Variants in ANKRD44 observed in about 807,000 individuals in gnomAD.
ANKRD44 encodes serine/threonine-protein phosphatase 6 regulatory ankyrin repeat subunit B.
ANKRD44 carries 35 observed loss-of-function variants against 116.0 expected under a neutral mutation model. That is an observed-to-expected ratio of 0.30 (90% CI 0.23 to 0.40). The LOEUF (loss-of-function observed/expected upper bound fraction) is 0.40, where lower values mean the gene tolerates loss of function less well. ANKRD44 is among the 10% of genes least tolerant of loss of function. The pLI is 1.00. For missense variants in ANKRD44, 1,014 were observed against 1,242.6 expected (o/e 0.82, Z 2.77); for synonymous variants, 435 against 461.8 (o/e 0.94, Z 0.74).
chr2:197,091,504 A>C (rs2078042776), intron 10 of ANKRD44, among the ~76,000 whole-genome samples: 1 of 152,140 alleles, frequency 6.6e-6, no homozygotes, highest in African/African-American at 2.4e-5. Context: ...CCACAGGCGC[A>C]CATCACTATA....
Position 196,989,257 on chromosome 2 carries a change from T to C in ANKRD44, c.*334A>G, listed in dbSNP as rs1426998904. 2 of 984,938 alleles carry C rather than the reference T, an allele frequency of 2.0e-6. No homozygotes were observed. The highest frequency in any genetic ancestry group is 6.2e-5 in the Admixed American group (1 of 16,110). The allele number at this position is 984,938 out of a possible 1,614,324, so 61.0% of individuals were successfully genotyped here. On this transcript the variant is annotated 3_prime_UTR_variant, in exon 28 of 28. Transcript: ENST00000282272. ...TAAACACATTTACAGCAAAAGTATA[T>C]GGACATTTTCTCTAGTTTGGCAAAA...
chr2:197,271,767 AT>A (rs1342219622), intron 1 of ANKRD44, among the ~76,000 whole-genome samples: 3 of 152,030 alleles, frequency 2.0e-5, no homozygotes, highest in Non-Finnish European at 4.4e-5. Flanking sequence ...GCATACCACC[AT>A]TTTTTAAATT....
chr2:197,226,618 C>T (rs920608410), intron 1 of ANKRD44, among the ~76,000 whole-genome samples: 3 of 151,876 alleles, frequency 2.0e-5, no homozygotes, highest in African/African-American at 7.3e-5. Context: ...GAGCTCAGAT[C>T]GACCACTGCA....
Position 197,001,813 on chromosome 2 carries a change from A to G in ANKRD44, c.2375T>C (p.Leu792Ser). ...AAATTTGCGAAAACATTTTTGCTCCAAAAGTACCTCTATACAGTTTTCATT... is the reference window on the plus strand; with the variant it reads ...AAATTTGCGAAAACATTTTTGCTCCGAAAGTACCTCTATACAGTTTTCATT... ...NGNENCIEVLLEQKCFRKFIG... is the reference protein window; with the variant it reads ...NGNENCIEVLSEQKCFRKFIG... Residue 792 changes from leucine (L) to serine (S), a missense_variant, in exon 22 of 28, where the codon TTG becomes TCG. Transcript: ENST00000282272. The G allele has an allele frequency of 6.2e-7, 1 of 1,613,460 alleles. No homozygotes were observed. The highest frequency in any genetic ancestry group is 8.5e-7 in the Non-Finnish European group (1 of 1,179,620).
intron 2 of ANKRD44, among the ~76,000 whole-genome samples, chr2:197,179,616 T>C (rs1459708003): frequency 6.6e-6 from 1 of 152,242 alleles, no homozygotes; most frequent in Non-Finnish European, 1.5e-5. Context: ...TGTTTCTCCA[T>C]AGCTCCAAAA....
At chr2:197,223,208 C>T (rs1030279134) in intron 1 of ANKRD44, among the ~76,000 whole-genome samples, 1 of 152,104 alleles carries the variant, frequency 6.6e-6, no homozygotes, top group Non-Finnish European at 1.5e-5. Flanking sequence ...CTGCTCAGAT[C>T]AAGAAATGAA....
chr2:197,077,328 T>C (rs760105472), intron 16 of ANKRD44, among the ~76,000 whole-genome samples: 31 of 152,192 alleles, frequency 2.0e-4, no homozygotes, highest in Non-Finnish European at 3.1e-4. Context: ...TTAACACTTG[T>C]ATCAAAGACA....
chr2:197,027,680 ATTTTTTT>A (rs34502554), intron 16 of ANKRD44, among the ~76,000 whole-genome samples: 17 of 125,888 alleles, frequency 1.4e-4, no homozygotes, highest in African/African-American at 4.8e-4. Flanking sequence ...ATGCCTGAGA[ATTTTTTT>A]TTTTTTTTTT....
intron 16 of ANKRD44, among the ~76,000 whole-genome samples, chr2:197,049,324 T>G (rs2125002211): frequency 1.3e-5 from 2 of 152,306 alleles, no homozygotes; most frequent in Admixed American, 6.5e-5. Flanking sequence ...AATAGACCTA[T>G]TTTCATATAA....
At chr2:197,232,894 C>T (rs554473111) in intron 1 of ANKRD44, among the ~76,000 whole-genome samples, 5 of 152,314 alleles carry the variant, frequency 3.3e-5, no homozygotes, top group Admixed American at 1.3e-4. Context: ...AATCAAAACA[C>T]AACCTCATAT....
chr2:197,019,257 C>CTT (rs1407952562), intron 17 of ANKRD44, among the ~76,000 whole-genome samples: 1 of 152,200 alleles, frequency 6.6e-6, no homozygotes, highest in African/African-American at 2.4e-5. Context: ...CAATGCCTGG[C>CTT]TTGAGACAGG....
chr2:197,224,039 T>C (rs2081645110), intron 1 of ANKRD44, among the ~76,000 whole-genome samples: 3 of 152,356 alleles, frequency 2.0e-5, no homozygotes, highest in African/African-American at 4.8e-5. Context: ...TCTGTATTTA[T>C]GAAATGTTGG....
intron 1 of ANKRD44, among the ~76,000 whole-genome samples, chr2:197,309,568 TAA>T (rs1574491324): frequency 6.6e-6 from 1 of 152,156 alleles, no homozygotes; most frequent in East Asian, 1.9e-4. Flanking sequence ...TTGAGGTATT[TAA>T]TACCAAGGGC....
At chr2:197,239,783 T>G (rs369045338) in intron 1 of ANKRD44, among the ~76,000 whole-genome samples, 71 of 152,356 alleles carry the variant, frequency 4.7e-4, no homozygotes, top group African/African-American at 1.5e-3. Flanking sequence ...ATACCTTTCT[T>G]GCTTTAGTAA....
At position 197,231,905 on chromosome 2, in the gene ANKRD44, C is replaced by A. The variant is rs573301013; in HGVS notation, c.28-44799G>T. Among the ~76,000 whole-genome samples, 13 of 152,184 alleles carry A rather than the reference C, an allele frequency of 8.5e-5. 1 individual carries two copies. In the East Asian group the frequency reaches 2.5e-3, roughly 29 times the overall value. ...TTTTCATATTTCTTCTTCCCCTCCC[C>A]CACAAGACTGCAAGGGACAGGGTAA... On this transcript the variant is annotated intron_variant, in intron 1 of 27. Coordinates refer to ENST00000282272, the MANE Select transcript of ANKRD44 (RefSeq NM_001195144.2).
chr2:196,986,948 C>T lies in ANKRD44; in HGVS notation c.*2643G>A. ...TGAAATCATCAAACAATATTTTATG[C>T]TGTTACAAATATGTTATGCAAAATA... On this transcript the variant is annotated 3_prime_UTR_variant, in exon 28 of 28. Transcript: ENST00000282272. 4.1e-6 allele frequency: 4 copies of T among 985,378 alleles called. No individual in the cohort carries two copies. The highest frequency in any genetic ancestry group is 4.8e-6 in the Non-Finnish European group (4 of 829,898). 61.0% of individuals were successfully genotyped at this position (985,378 alleles called of 1,614,324 possible). A position where few individuals can be genotyped will look rare whatever the true frequency, so the allele number is the denominator to read the frequency against.
chr2:196,970,226 C>T (rs558886891), intron 21 of ANKRD44, among the ~76,000 whole-genome samples: 1 of 152,300 alleles, frequency 6.6e-6, no homozygotes, highest in Admixed American at 6.5e-5. Context: ...ATGCAGTCAG[C>T]CTTCAACCAT....
At chr2:197,088,969 C>T (rs1334385947) in intron 11 of ANKRD44, 195 bp from the exon 12 acceptor site, 6 of 447,834 alleles carry the variant, frequency 1.3e-5, no homozygotes, top group African/African-American at 6.1e-5. Flanking sequence ...TAGGAAGAAC[C>T]GTGAAGTCAA....
At chr2:197,055,206 T>G (rs575207084) in intron 16 of ANKRD44, among the ~76,000 whole-genome samples, 1 of 152,220 alleles carries the variant, frequency 6.6e-6, no homozygotes. Context: ...GCTGAATACT[T>G]TTTTCACATG....
Sources: allele counts gnomAD v4.1 joint callset (sites outside exome capture counted in the v4.1 genomes callset), GRCh38; gene constraint gnomAD v4.1.1; transcripts MANE v1.5; gene names NCBI Gene and HGNC (gene_info 2026-07-23, HGNC 2026-07-21).